The following TRARG1 variants were observed in gnomAD, a reference collection of about 807,000 sequenced individuals.
TRARG1 encodes trafficking regulator of GLUT4 (SLC2A4) 1 (gene/pseudogene).
Under a neutral mutation model 13.3 loss-of-function variants are expected in TRARG1, and 16 were observed. The observed-to-expected ratio is 1.20, with a 90% CI of 0.81 to 1.83. The LOEUF (loss-of-function observed/expected upper bound fraction) is 1.83. Among genes scored for constraint, TRARG1 ranks in the 40% most tolerant of loss-of-function variants. TRARG1 has a pLI of 0.00. For missense variants in TRARG1, 250 were observed against 237.4 expected, an observed-to-expected ratio of 1.05 and a Z score of -0.35; for synonymous variants, 113 against 106.2, an observed-to-expected ratio of 1.06 and a Z score of -0.39.
chr17:1,286,587 T>C (rs1451983882), intron 1 of TRARG1, among the ~76,000 whole-genome samples: 1 of 139,876 alleles, frequency 7.1e-6, no homozygotes, highest in African/African-American at 2.8e-5. Flanking sequence ...TGGGGTGTTA[T>C]CGGCCTGTGG....
intron 1 of TRARG1, among the ~76,000 whole-genome samples, chr17:1,282,048 A>G (rs1044659478): frequency 1.4e-5 from 2 of 139,012 alleles, no homozygotes; most frequent in East Asian, 2.2e-4. Flanking sequence ...ACACATATGT[A>G]CACATATGTA....
intron 1 of TRARG1, among the ~76,000 whole-genome samples, chr17:1,281,366 T>G (rs1441738564): frequency 1.1e-5 from 1 of 89,180 alleles, no homozygotes; most frequent in Non-Finnish European, 2.4e-5. Flanking sequence ...GCCAGAGGAC[T>G]AGGTGTGGAG....
At chr17:1,282,621 G>A (rs556134502) in intron 1 of TRARG1, among the ~76,000 whole-genome samples, 13 of 151,550 alleles carry the variant, frequency 8.6e-5, no homozygotes, top group Admixed American at 2.0e-4. Context: ...CACCCACCTC[G>A]GCCTCCGAAA....
intron 1 of TRARG1, among the ~76,000 whole-genome samples, chr17:1,281,987 TAC>T (rs1258967984): frequency 1.5e-4 from 19 of 124,296 alleles, no homozygotes; most frequent in Admixed American, 6.1e-4. Context: ...TACATATATG[TAC>T]ATATATACAG....
At chr17:1,281,277 G>A (rs1220737977) in intron 1 of TRARG1, among the ~76,000 whole-genome samples, 1 of 152,134 alleles carries the variant, frequency 6.6e-6, no homozygotes, top group African/African-American at 2.4e-5. Flanking sequence ...GTGGGGAGAG[G>A]GAGAAGCAGG....
In TRARG1 at chr17:1,291,854, G is replaced by A. The variant is rs59327823; in HGVS notation, c.388-3637G>A. 7.3e-3 allele frequency among the ~76,000 whole-genome samples: 1,118 copies of A among 152,264 alleles called. 12 individuals carry two copies. The highest frequency in any genetic ancestry group is 0.023 in the African/African-American group (957 of 41,552). ...TAAAGCCCTGTGGAGGTTGATACTC[G>A]AACCTCAAGCAACTCAGACTGGCTG... On this transcript the variant is annotated intron_variant, in intron 1 of 2. Coordinates refer to ENST00000333813, the MANE Select transcript of TRARG1 (RefSeq NM_172367.3).
intron 1 of TRARG1, among the ~76,000 whole-genome samples, chr17:1,290,955 G>C (rs2072064774): frequency 6.6e-6 from 1 of 151,498 alleles, no homozygotes. Flanking sequence ...GCCCAGGCTG[G>C]AGGGCAGTGG....
chr17:1,297,257 G>A (rs547293733), intron 2 of TRARG1, among the ~76,000 whole-genome samples: 4 of 152,236 alleles, frequency 2.6e-5, no homozygotes, highest in East Asian at 1.9e-4. Flanking sequence ...CAGCCCAACC[G>A]TCAACGTTGG....
At chr17:1,291,095 G>A (rs1413760891) in intron 1 of TRARG1, among the ~76,000 whole-genome samples, 4 of 151,932 alleles carry the variant, frequency 2.6e-5, no homozygotes, top group Admixed American at 6.6e-5. Context: ...TAGTAGAGAC[G>A]GGGTTTCACC....
chr17:1,282,087 CAT>C (rs2071980469), intron 1 of TRARG1, among the ~76,000 whole-genome samples: 1 of 150,090 alleles, frequency 6.7e-6, no homozygotes, highest in East Asian at 2.0e-4. Flanking sequence ...CATATATGTA[CAT>C]ATATACGTAT....
At chr17:1,298,139 A>G in intron 2 of TRARG1, 112 bp from the exon 3 acceptor site, 9 of 1,321,478 alleles carry the variant, frequency 6.8e-6, no homozygotes, top group Non-Finnish European at 7.5e-6. Flanking sequence ...TTCTCCCCTT[A>G]TCCCTATTAC....
chr17:1,280,643 G>A (rs1419603776), intron 1 of TRARG1, among the ~76,000 whole-genome samples: 2 of 152,168 alleles, frequency 1.3e-5, no homozygotes, highest in Admixed American at 6.6e-5. Context: ...GTGTCTGCTG[G>A]GGAGGGGCCC....
intron 1 of TRARG1, among the ~76,000 whole-genome samples, chr17:1,288,362 T>TAGGCTCCCCATCCCCCAC (rs1567930588): frequency 1.6e-4 from 7 of 42,690 alleles, no homozygotes; most frequent in Non-Finnish European, 2.5e-4. Flanking sequence ...CCATCCCCCA[T>TAGGCTCCCCATCCCCCAC]GGGCTCCCCA....
At chr17:1,282,068 A>ACATATATACG (rs1443285762) in intron 1 of TRARG1, among the ~76,000 whole-genome samples, 17 of 148,942 alleles carry the variant, frequency 1.1e-4, no homozygotes, top group African/African-American at 4.0e-4. Flanking sequence ...ACATGTATAC[A>ACATATATACG]CATATATACA....
intron 2 of TRARG1, among the ~76,000 whole-genome samples, chr17:1,296,513 TTTC>T (rs1056616377): frequency 9.9e-5 from 8 of 80,710 alleles, no homozygotes; most frequent in African/African-American, 1.7e-4. Flanking sequence ...CCATTTTCTC[TTTC>T]TTTTTTTTTT....
chr17:1,279,730 C>G lies in TRARG1; in HGVS notation c.-272C>G, dbSNP rs1346539805. The G allele has an allele frequency of 6.6e-6, 3 of 453,668 alleles. No individual in the cohort carries two copies. The highest frequency in any genetic ancestry group is 7.1e-5 in the East Asian group (2 of 27,998). 28.1% of individuals were successfully genotyped at this position (453,668 alleles called of 1,614,324 possible). On this transcript the variant is annotated 5_prime_UTR_variant, in exon 1 of 3. Transcript: ENST00000333813. ...CCATCTGTGCTCTCAGCAGCACCAGCAAAGTTGGCCTCAAACTTGAACAAA... is the reference window on the plus strand; with the variant it reads ...CCATCTGTGCTCTCAGCAGCACCAGGAAAGTTGGCCTCAAACTTGAACAAA...
intron 2 of TRARG1, among the ~76,000 whole-genome samples, chr17:1,296,571 G>A (rs1598196025): frequency 1.3e-5 from 2 of 150,880 alleles, no homozygotes; most frequent in East Asian, 3.9e-4. Flanking sequence ...GACTGCAGTG[G>A]CATGATCTCA....
At chr17:1,290,905 AT>A (rs34602713) in intron 1 of TRARG1, among the ~76,000 whole-genome samples, 88 of 141,458 alleles carry the variant, frequency 6.2e-4, no homozygotes, top group Non-Finnish European at 8.2e-4. Flanking sequence ...GATCTGATGG[AT>A]TTTTTTTTTT....
At chr17:1,296,290 G>A (rs141920276) in intron 2 of TRARG1, among the ~76,000 whole-genome samples, 2,160 of 150,548 alleles carry the variant, frequency 0.014, 46 homozygotes, top group African/African-American at 0.049. Context: ...TCCGCCTTCC[G>A]GGTTCAAGTG....
Sources: allele counts gnomAD v4.1 joint callset (sites outside exome capture counted in the v4.1 genomes callset), GRCh38; gene constraint gnomAD v4.1.1; transcripts MANE v1.5; gene names NCBI Gene and HGNC (gene_info 2026-07-23, HGNC 2026-07-21).